The following UNC13C variants were observed in gnomAD, a reference collection of about 807,000 sequenced individuals.
The protein encoded by UNC13C is protein unc-13 homolog C.
Under a neutral mutation model 245.4 loss-of-function variants are expected in UNC13C, and 174 were observed. The observed-to-expected ratio is 0.71, with a 90% CI of 0.63 to 0.80. The LOEUF is 0.80. Ranked by LOEUF, UNC13C falls within the 30% of genes least tolerant of loss-of-function variation. The pLI, the probability that UNC13C is intolerant of heterozygous loss-of-function variation, is 0.00. For synonymous variants in UNC13C, 992 were observed against 895.1 expected (o/e 1.11, Z -1.93); for missense variants, 2,829 against 2,602.9 (o/e 1.09, Z -1.89).
At chr15:54,406,865 G>A (rs2040304888) in intron 18 of UNC13C, among the ~76,000 whole-genome samples, 2 of 152,130 alleles carry the variant, frequency 1.3e-5, no homozygotes, top group African/African-American at 4.8e-5. Context: ...GTGCTTTCCA[G>A]GGAGAGAGAG....
rs186720652 is a variant in UNC13C at position 54,573,053 on chromosome 15, G to A, written c.6106+5106G>A. 5.3e-5 allele frequency among the ~76,000 whole-genome samples: 8 copies of A among 151,770 alleles called. No individual in the cohort carries two copies. In the East Asian group the frequency reaches 1.6e-3, roughly 29 times the overall value. On this transcript the variant is annotated intron_variant, in intron 30 of 32. Coordinates refer to ENST00000260323, the MANE Select transcript of UNC13C (RefSeq NM_001080534.3). ...TAATCAATTTTTTTCACTATTTTCA[G>A]GCTTTAAGACATACTTCCCTTTAAA... is the stretch of plus-strand genomic sequence containing the variant.
chr15:54,457,804 T>A (rs1196437961), intron 19 of UNC13C, among the ~76,000 whole-genome samples: 1 of 151,970 alleles, frequency 6.6e-6, no homozygotes, highest in African/African-American at 2.4e-5. Context: ...CTTTTGATTT[T>A]GTTTATCTTT....
At chr15:54,336,289 G>A (rs2038573367) in intron 16 of UNC13C, among the ~76,000 whole-genome samples, 1 of 152,000 alleles carries the variant, frequency 6.6e-6, no homozygotes, top group Admixed American at 6.6e-5. Context: ...TATCATATTT[G>A]TGAGGAGAAT....
intron 32 of UNC13C, among the ~76,000 whole-genome samples, chr15:54,625,524 A>AGAT (rs1450458254): frequency 6.6e-6 from 1 of 152,182 alleles, no homozygotes; most frequent in Non-Finnish European, 1.5e-5. Context: ...GACTCTCAAG[A>AGAT]GATGTCATTT....
intron 28 of UNC13C, among the ~76,000 whole-genome samples, chr15:54,553,481 A>G (rs1425080784): frequency 7.1e-6 from 1 of 140,506 alleles, no homozygotes; most frequent in Non-Finnish European, 1.5e-5. Context: ...AACATTTATA[A>G]TGTGTATTAC....
At chr15:54,178,586 C>T (rs557389848) in intron 4 of UNC13C, among the ~76,000 whole-genome samples, 4 of 152,216 alleles carry the variant, frequency 2.6e-5, no homozygotes, top group East Asian at 3.9e-4. Context: ...TAAGCCTTTC[C>T]AAGGTGCAAA....
At position 54,627,974 on chromosome 15, in the gene UNC13C, A is replaced by G. The variant is rs1383130307; in HGVS notation, c.*861A>G. 6.6e-6 allele frequency: 1 copy of G among 152,534 alleles called. No individual in the cohort carries two copies. 9.4% of individuals were successfully genotyped at this position (152,534 alleles called of 1,614,324 possible). ...CTCTGACAGTTATGACTCTATAATC[A>G]GTTCAATGCTTTATTTTTAAAAATA... is the stretch of plus-strand genomic sequence containing the variant. On this transcript the variant is annotated 3_prime_UTR_variant, in exon 33 of 33. Transcript: ENST00000260323.
chr15:54,542,050 G>C (rs1351410520), intron 26 of UNC13C, among the ~76,000 whole-genome samples: 1 of 151,970 alleles, frequency 6.6e-6, no homozygotes, highest in African/African-American at 2.4e-5. Context: ...TAACATGGGT[G>C]AAAAATATGG....
At chr15:54,270,600 T>C (rs1437710518) in intron 10 of UNC13C, among the ~76,000 whole-genome samples, 1 of 151,942 alleles carries the variant, frequency 6.6e-6, no homozygotes, top group Admixed American at 6.6e-5. Context: ...ACAGTAATAG[T>C]CCCATGCCAA....
In UNC13C at chr15:54,076,443, A is replaced by G. The variant is rs1898630923; in HGVS notation, c.2983+60557A>G. 2.0e-5 allele frequency among the ~76,000 whole-genome samples: 3 copies of G among 151,960 alleles called. 1 individual carries two copies. In the South Asian group the frequency reaches 6.2e-4, roughly 32 times the overall value. On this transcript the variant is annotated intron_variant, in intron 2 of 32. Coordinates refer to ENST00000260323, the MANE Select transcript of UNC13C (RefSeq NM_001080534.3). ...TCCCTACAAAGGACATGAACTCATC[A>G]TTTTTTATGGCTGCATAGTATTCCA...
chr15:53,868,751 G>C, the UNC13C span, among the ~76,000 whole-genome samples: 1,208 of 152,220 alleles, frequency 7.9e-3, 15 homozygotes, highest in African/African-American at 0.027. Flanking sequence ...TTTGAAGCAG[G>C]AGATTCATAT....
chr15:54,305,051 C>A (rs1295555138), intron 13 of UNC13C, among the ~76,000 whole-genome samples: 1 of 152,054 alleles, frequency 6.6e-6, no homozygotes, highest in African/African-American at 2.4e-5. Flanking sequence ...TATTCCACGA[C>A]TTACAAATTG....
chr15:54,501,526 C>T (rs564747822), intron 22 of UNC13C, among the ~76,000 whole-genome samples: 4 of 152,172 alleles, frequency 2.6e-5, no homozygotes, highest in Non-Finnish European at 4.4e-5. Context: ...AAATGGCTTA[C>T]CATGTGCTTA....
At chr15:54,176,741 G>A (rs943980603) in intron 4 of UNC13C, among the ~76,000 whole-genome samples, 1 of 151,966 alleles carries the variant, frequency 6.6e-6, no homozygotes, top group African/African-American at 2.4e-5. Context: ...AATTTGACAT[G>A]GGTTTAATAT....
rs147140394 is a variant in UNC13C, at chr15:54,584,652, G to A, written c.6106+16705G>A. On this transcript the variant is annotated intron_variant, in intron 30 of 32. Coordinates refer to ENST00000260323, the MANE Select transcript of UNC13C (RefSeq NM_001080534.3). ...AGTAAGCCAATTTGGAAACTAGCTG[G>A]TAAGTGTTACAGTCCATTTACATGA... Among the ~76,000 whole-genome samples the A allele has an allele frequency of 3.2e-3, 485 of 152,360 alleles. 2 individuals carry two copies. The highest frequency in any genetic ancestry group is 3.9e-3 in the Non-Finnish European group (265 of 68,034).
At chr15:53,973,035 A>T in the UNC13C span, among the ~76,000 whole-genome samples, 1 of 152,088 alleles carries the variant, frequency 6.6e-6, no homozygotes, top group Non-Finnish European at 1.5e-5. Flanking sequence ...TGCATTTGGA[A>T]ATCTGTAAAG....
intron 2 of UNC13C, among the ~76,000 whole-genome samples, chr15:54,106,474 G>C (rs1457051263): frequency 6.6e-6 from 1 of 152,112 alleles, no homozygotes; most frequent in Non-Finnish European, 1.5e-5. Context: ...GATTTGAGAG[G>C]TTACACAAAA....
At position 54,412,639 on chromosome 15, in the gene UNC13C, A is replaced by G. The variant is rs530559841; in HGVS notation, c.4848-2343A>G. ...AAAATACATGATTTTATATTCTGTGACCTTATATTTTGTAGCTTCTTAAAT... is the reference window on the plus strand; with the variant it reads ...AAAATACATGATTTTATATTCTGTGGCCTTATATTTTGTAGCTTCTTAAAT... On this transcript the variant is annotated intron_variant, in intron 18 of 32. Transcript: ENST00000260323. 4.6e-5 allele frequency among the ~76,000 whole-genome samples: 7 copies of G among 152,308 alleles called. No homozygotes were observed. In the South Asian group the frequency reaches 1.2e-3, roughly 27 times the overall value.
At chr15:54,285,833 T>G (rs1246244354) in intron 10 of UNC13C, among the ~76,000 whole-genome samples, 1 of 151,440 alleles carries the variant, frequency 6.6e-6, no homozygotes, top group Non-Finnish European at 1.5e-5. Flanking sequence ...TATTTTTATA[T>G]ACGTATATAT....
Sources: allele counts gnomAD v4.1 joint callset (sites outside exome capture counted in the v4.1 genomes callset), GRCh38; gene constraint gnomAD v4.1.1; transcripts MANE v1.5; gene names NCBI Gene and HGNC (gene_info 2026-07-23, HGNC 2026-07-21).